DLGAP2: variants seen among roughly 807,000 people sequenced by gnomAD.
DLGAP2 encodes DLG associated protein 2.
Under a neutral mutation model 100.3 loss-of-function variants are expected in DLGAP2, and 26 were observed. The observed-to-expected ratio is 0.26, with a 90% CI of 0.19 to 0.36. The LOEUF (loss-of-function observed/expected upper bound fraction) is 0.36, where lower values mean the gene tolerates loss of function less well. Ranked by LOEUF, DLGAP2 falls within the 10% of genes least tolerant of loss-of-function variation. The pLI, the probability that DLGAP2 is intolerant of heterozygous loss-of-function variation, is 1.00. For synonymous variants in DLGAP2, 886 were observed against 630.1 expected (o/e 1.41, Z -6.08); for missense variants, 1,858 against 1,453.2 (o/e 1.28, Z -4.53).
chr8:1,052,747 G>C (rs1356451212), intron 2 of DLGAP2, among the ~76,000 whole-genome samples: 1 of 152,134 alleles, frequency 6.6e-6, no homozygotes, highest in Non-Finnish European at 1.5e-5. Context: ...TTTTCTAGGG[G>C]CTCGGTTACA....
At chr8:1,613,637 A>C (rs992295415) in intron 6 of DLGAP2, among the ~76,000 whole-genome samples, 3 of 152,198 alleles carry the variant, frequency 2.0e-5, no homozygotes, top group Non-Finnish European at 4.4e-5. Flanking sequence ...TGCCTTCATA[A>C]ATGATGCCCA....
chr8:1,270,508 C>T (rs1458592181), intron 3 of DLGAP2, among the ~76,000 whole-genome samples: 7 of 152,318 alleles, frequency 4.6e-5, no homozygotes, highest in Admixed American at 2.6e-4. Context: ...AGGAGAAATG[C>T]AGGCTCTAAG....
At chr8:1,439,338 G>A (rs1797755739) in intron 3 of DLGAP2, among the ~76,000 whole-genome samples, 1 of 152,172 alleles carries the variant, frequency 6.6e-6, no homozygotes, top group Non-Finnish European at 1.5e-5. Context: ...GCTGTCTGTG[G>A]GAGCTAGAGG....
intron 2 of DLGAP2, among the ~76,000 whole-genome samples, chr8:1,044,144 C>T (rs970854182): frequency 6.6e-5 from 10 of 152,124 alleles, no homozygotes; most frequent in African/African-American, 2.2e-4. Context: ...TCCTTGTAAC[C>T]CATCCCCTTA....
rs115923577 is a variant in DLGAP2, at chr8:1,462,634, C to T, written c.107-38732C>T. 1.2e-3 allele frequency among the ~76,000 whole-genome samples: 180 copies of T among 152,296 alleles called. 1 individual carries two copies. Among genetic ancestry groups the T allele is most frequent in the African/African-American group, 4.0e-3 (165 of 41,562 alleles). ...GGATGGGAATTAGTTCAGTTCCTCC[C>T]GCACTCGGTCATCCTGCAGTAGCTC... is the stretch of plus-strand genomic sequence containing the variant. On this transcript the variant is annotated intron_variant, in intron 3 of 14. Coordinates refer to ENST00000637795, the MANE Select transcript of DLGAP2 (RefSeq NM_001346810.2).
At chr8:946,404 C>T (rs549459571) in intron 2 of DLGAP2, among the ~76,000 whole-genome samples, 4 of 151,946 alleles carry the variant, frequency 2.6e-5, no homozygotes, top group East Asian at 1.9e-4. Flanking sequence ...TCTGGGACTA[C>T]AGGCGCCCGC....
chr8:918,570 T>C (rs1798643175), intron 2 of DLGAP2, among the ~76,000 whole-genome samples: 1 of 152,232 alleles, frequency 6.6e-6, no homozygotes. Flanking sequence ...GTGTACTTGG[T>C]GTTCACCGCA....
intron 3 of DLGAP2, among the ~76,000 whole-genome samples, chr8:1,317,792 G>T (rs1352599351): frequency 3.0e-4 from 30 of 100,682 alleles, no homozygotes; most frequent in African/African-American, 1.4e-3. Flanking sequence ...ACTCGTCAGT[G>T]TTAAAAAATA....
intron 10 of DLGAP2, among the ~76,000 whole-genome samples, chr8:1,675,830 T>TA (rs373908464): frequency 1.3e-5 from 2 of 149,008 alleles, no homozygotes; most frequent in South Asian, 2.1e-4. Flanking sequence ...TTGGTTTTGT[T>TA]TTTTTTTTTT....
At chr8:1,332,148 G>A (rs1426499932) in intron 3 of DLGAP2, among the ~76,000 whole-genome samples, 1 of 151,804 alleles carries the variant, frequency 6.6e-6, no homozygotes, top group African/African-American at 2.4e-5. Flanking sequence ...TAGAAATGGG[G>A]GTGTGTGTGA....
At chr8:849,260 A>C (rs1192653683) in intron 1 of DLGAP2, among the ~76,000 whole-genome samples, 1 of 152,238 alleles carries the variant, frequency 6.6e-6, no homozygotes, top group East Asian at 1.9e-4. Flanking sequence ...TGCACGTTGC[A>C]GCATAGGATC....
chr8:832,949 G>A (rs79942030), intron 1 of DLGAP2, among the ~76,000 whole-genome samples: 1,586 of 152,260 alleles, frequency 0.01, 26 homozygotes, highest in African/African-American at 0.037. Context: ...AGGGCCCCTC[G>A]TTTCTCTCAC....
chr8:766,355 C>A (rs1180321246), intron 1 of DLGAP2, among the ~76,000 whole-genome samples: 1 of 152,200 alleles, frequency 6.6e-6, no homozygotes, highest in Non-Finnish European at 1.5e-5. Flanking sequence ...GGTCAACCCT[C>A]GTGTGTGTTC....
chr8:1,104,591 C>G (rs1804692323), intron 2 of DLGAP2, among the ~76,000 whole-genome samples: 1 of 152,150 alleles, frequency 6.6e-6, no homozygotes, highest in African/African-American at 2.4e-5. Flanking sequence ...CTGGCCGAGG[C>G]GTTTGCTGAC....
chr8:1,638,730 A>G (rs970199397), intron 8 of DLGAP2, among the ~76,000 whole-genome samples: 5 of 152,154 alleles, frequency 3.3e-5, no homozygotes, highest in African/African-American at 1.2e-4. Flanking sequence ...GAGGCCCAGA[A>G]AGCCAGCATG....
At position 1,372,704 on chromosome 8, in the gene DLGAP2, G is replaced by T. The variant is rs531807705; in HGVS notation, c.106+113821G>T. ...AGTTGGACATGGACGGCGTGGGCTA[G>T]AGGAAGATCAGAGAGAGATAAAACT... On this transcript the variant is annotated intron_variant, in intron 3 of 14. Coordinates refer to ENST00000637795, the MANE Select transcript of DLGAP2 (RefSeq NM_001346810.2). 2.0e-5 allele frequency among the ~76,000 whole-genome samples: 3 copies of T among 152,334 alleles called. No homozygotes were observed. In the East Asian group the frequency reaches 5.8e-4, roughly 29 times the overall value.
At chr8:751,494 G>A (rs932094767) in intron 1 of DLGAP2, among the ~76,000 whole-genome samples, 2 of 152,198 alleles carry the variant, frequency 1.3e-5, no homozygotes, top group Non-Finnish European at 2.9e-5. Flanking sequence ...GGGACATTAC[G>A]GAAGTTGGAT....
At chr8:820,458 G>A (rs763277764) in intron 1 of DLGAP2, among the ~76,000 whole-genome samples, 5 of 152,176 alleles carry the variant, frequency 3.3e-5, no homozygotes, top group African/African-American at 4.8e-5. Flanking sequence ...ATAAGCATCC[G>A]GCATATGTAA....
In DLGAP2 at chr8:737,718, C is replaced by A. The variant is rs1820353916; in HGVS notation, c.-90C>A. The A allele has an allele frequency of 5.4e-6, 2 of 373,698 alleles. No individual in the cohort carries two copies. Among genetic ancestry groups the A allele is most frequent in the Non-Finnish European group, 9.5e-6 (2 of 209,736 alleles). The allele number at this position is 373,698 out of a possible 1,614,324, so 23.1% of individuals were successfully genotyped here. On this transcript the variant is annotated 5_prime_UTR_variant, in exon 1 of 15. Coordinates refer to ENST00000637795, the MANE Select transcript of DLGAP2 (RefSeq NM_001346810.2). ...GACGGACCGCGGACGGACGTACTGA[C>A]CCCAACCCGCGAGCCCCGGGAGCCG...
Sources: gnomAD v4.1 joint callset for allele counts (sites outside exome capture counted in the v4.1 genomes callset) on GRCh38, gnomAD v4.1.1 for gene constraint, MANE v1.5 for transcripts, NCBI Gene and HGNC (gene_info 2026-07-23, HGNC 2026-07-21) for gene names.